The following MACROD2 variants were observed in gnomAD, a reference collection of about 807,000 sequenced individuals.
MACROD2 encodes the protein mono-ADP ribosylhydrolase 2, also known as ADP-ribose glycohydrolase MACROD2.
A neutral mutation model predicts 70.4 loss-of-function variants in MACROD2; 36 were observed. That is an observed-to-expected ratio of 0.51 (90% CI 0.39 to 0.68). The LOEUF (loss-of-function observed/expected upper bound fraction) is 0.68. Among genes scored for constraint, MACROD2 ranks in the 30% least tolerant of loss-of-function variants. The pLI is 0.00. For synonymous variants in MACROD2, 172 were observed against 178.8 expected (o/e 0.96, Z 0.30); for missense variants, 496 against 538.4 (o/e 0.92, Z 0.78).
intron 15 of MACROD2, among the ~76,000 whole-genome samples, chr20:15,996,194 C>G (rs1321056767): frequency 6.6e-6 from 1 of 152,096 alleles, no homozygotes; most frequent in Non-Finnish European, 1.5e-5. Flanking sequence ...TTTAATGAAA[C>G]TCTCCCTAAC....
intron 5 of MACROD2, among the ~76,000 whole-genome samples, chr20:15,182,147 T>C (rs1245709809): frequency 6.6e-6 from 1 of 152,192 alleles, no homozygotes; most frequent in East Asian, 1.9e-4. Flanking sequence ...CTGCATCCAA[T>C]TTTTATTGCT....
intron 5 of MACROD2, among the ~76,000 whole-genome samples, chr20:14,847,716 G>T (rs2073158843): frequency 2.6e-5 from 4 of 151,856 alleles, no homozygotes; most frequent in Admixed American, 2.6e-4. Context: ...CATACTTTTT[G>T]CTTATAATTA....
intron 5 of MACROD2, among the ~76,000 whole-genome samples, chr20:15,041,346 C>A (rs1342261060): frequency 6.6e-6 from 1 of 152,096 alleles, no homozygotes; most frequent in East Asian, 1.9e-4. Flanking sequence ...CAATTGCCCA[C>A]TTCTGGCCAT....
intron 3 of MACROD2, chr20:14,337,699 C>T: frequency 2.5e-6 from 1 of 395,348 alleles, no homozygotes; most frequent in Non-Finnish European, 4.5e-6. Flanking sequence ...AGGACTTAGC[C>T]AAGATCTTGT....
intron 5 of MACROD2, among the ~76,000 whole-genome samples, chr20:14,703,331 A>G (rs1294131008): frequency 6.6e-6 from 1 of 152,188 alleles, no homozygotes; most frequent in Non-Finnish European, 1.5e-5. Context: ...TGTCAGGATT[A>G]CATTTGAGAA....
intron 8 of MACROD2, among the ~76,000 whole-genome samples, chr20:15,697,876 C>G (rs1490233596): frequency 6.6e-6 from 1 of 152,112 alleles, no homozygotes; most frequent in Non-Finnish European, 1.5e-5. Flanking sequence ...AATAGCTACC[C>G]CTGCTTGCTT....
intron 4 of MACROD2, among the ~76,000 whole-genome samples, chr20:14,645,100 G>C (rs2041750092): frequency 1.3e-5 from 2 of 152,004 alleles, no homozygotes; most frequent in South Asian, 4.2e-4. Context: ...CCAACCTCTT[G>C]AAATTGTTCT....
chr20:14,945,554 G>A (rs760254316), intron 5 of MACROD2, among the ~76,000 whole-genome samples: 1 of 152,070 alleles, frequency 6.6e-6, no homozygotes, highest in Non-Finnish European at 1.5e-5. Flanking sequence ...TTACATTTGG[G>A]TACCTTCCTT....
At chr20:15,960,184 G>A (rs1438870441) in intron 12 of MACROD2, among the ~76,000 whole-genome samples, 4 of 152,152 alleles carry the variant, frequency 2.6e-5, no homozygotes, top group South Asian at 2.1e-4. Context: ...TCTCATGTCA[G>A]GCCACCTTAG....
chr20:14,232,782 C>T (rs2081829616), intron 3 of MACROD2, among the ~76,000 whole-genome samples: 1 of 152,234 alleles, frequency 6.6e-6, no homozygotes, highest in Admixed American at 6.5e-5. Flanking sequence ...GTGGCACTTT[C>T]AGTTTCCTTC....
intron 5 of MACROD2, among the ~76,000 whole-genome samples, chr20:15,085,606 T>C (rs966905630): frequency 3.9e-5 from 6 of 152,082 alleles, no homozygotes; most frequent in Non-Finnish European, 2.9e-5. Flanking sequence ...TGTAAGTATA[T>C]ACAAGGGGAA....
Position 15,006,139 on chromosome 20 carries a change from A to ATGTGTGTG in MACROD2, c.419-223800_419-223799insGTGTGTGT, listed in dbSNP as rs1254410663. Reference sequence around the variant, plus strand: ...CACAAAGAATGCATTTTATATATATATATGTGTGTGTGTGTGTGTGTGTGT... The same window carrying ATGTGTGTG: ...CACAAAGAATGCATTTTATATATATATGTGTGTGTATGTGTGTGTGTGTGTGTGTGTGT... On this transcript the variant is annotated intron_variant, in intron 5 of 17. Transcript: ENST00000684519. 3.7e-3 allele frequency among the ~76,000 whole-genome samples: 350 copies of ATGTGTGTG among 95,064 alleles called. 3 individuals carry two copies. Among genetic ancestry groups the ATGTGTGTG allele is most frequent in the African/African-American group, 0.013 (320 of 25,130 alleles). The allele number at this position is 95,064 out of a possible 152,430, so 62.4% of individuals were successfully genotyped here.
chr20:14,846,476 A>G (rs1055912393), intron 5 of MACROD2, among the ~76,000 whole-genome samples: 2 of 151,504 alleles, frequency 1.3e-5, no homozygotes, highest in Non-Finnish European at 2.9e-5. Flanking sequence ...ATTTCATTAT[A>G]TAAGGTAGAC....
chr20:14,780,121 A>G (rs2072281673), intron 5 of MACROD2, among the ~76,000 whole-genome samples: 1 of 152,126 alleles, frequency 6.6e-6, no homozygotes. Context: ...AGCAACTCAA[A>G]AGGCTGAGGT....
At chr20:15,572,487 TCTGTCTAAGGTTTATTCACTCTGATAA>T (rs2048388858) in intron 8 of MACROD2, among the ~76,000 whole-genome samples, 1 of 152,112 alleles carries the variant, frequency 6.6e-6, no homozygotes, top group Admixed American at 6.6e-5. Flanking sequence ...TTCATTGTAA[TCTGTCTAAGGTTTATTCACTCTGATAA>T]GAACTGCTGG....
At chr20:14,902,428 G>A (rs995035977) in intron 5 of MACROD2, among the ~76,000 whole-genome samples, 2 of 152,154 alleles carry the variant, frequency 1.3e-5, no homozygotes, top group African/African-American at 4.8e-5. Context: ...ACAAGGATTG[G>A]CATCAGAGAA....
intron 8 of MACROD2, among the ~76,000 whole-genome samples, chr20:15,687,679 T>G (rs1020817401): frequency 5.9e-5 from 9 of 152,190 alleles, no homozygotes; most frequent in African/African-American, 2.2e-4. Flanking sequence ...TGACATACTC[T>G]GGTTTTCAAG....
intron 3 of MACROD2, among the ~76,000 whole-genome samples, chr20:14,242,490 C>T (rs2122239060): frequency 6.6e-6 from 1 of 152,154 alleles, no homozygotes; most frequent in African/African-American, 2.4e-5. Flanking sequence ...AAACATAGGT[C>T]AAATAGTGAC....
chr20:15,150,354 G>A (rs1194560401), intron 5 of MACROD2, among the ~76,000 whole-genome samples: 1 of 151,972 alleles, frequency 6.6e-6, no homozygotes, highest in Non-Finnish European at 1.5e-5. Flanking sequence ...AGGTATTGAG[G>A]ACAAAAGAGT....
Sources: allele counts gnomAD v4.1 joint callset (sites outside exome capture counted in the v4.1 genomes callset), GRCh38; gene constraint gnomAD v4.1.1; transcripts MANE v1.5; gene names NCBI Gene and HGNC (gene_info 2026-07-23, HGNC 2026-07-21).